The following PIEZO2 variants were observed in gnomAD, a reference collection of about 807,000 sequenced individuals.
PIEZO2 encodes the protein piezo type mechanosensitive ion channel component 2, also known as piezo-type mechanosensitive ion channel component 2.
Under a neutral mutation model 337.3 loss-of-function variants are expected in PIEZO2, and 172 were observed. The ratio of observed to expected loss-of-function variants is 0.51; its 90% confidence interval spans 0.45 to 0.58. The LOEUF (loss-of-function observed/expected upper bound fraction) is 0.58, where lower values mean the gene tolerates loss of function less well. Among genes scored for constraint, PIEZO2 ranks in the 20% least tolerant of loss-of-function variants. The probability of loss-of-function intolerance (pLI) is 0.00; values close to 1 mark genes in which losing one functional copy is unlikely to be tolerated. For missense variants in PIEZO2, 3,028 were observed against 3,391.3 expected (o/e 0.89, Z 2.66); for synonymous variants, 1,251 against 1,228.5 (o/e 1.02, Z -0.38).
intron 2 of PIEZO2, among the ~76,000 whole-genome samples, chr18:11,024,942 GT>G (rs554949643): frequency 0.021 from 2,992 of 143,956 alleles, 45 homozygotes; most frequent in Middle Eastern, 0.051. Context: ...CCCAGCGAAG[GT>G]TTTTTTTTTT....
At chr18:10,920,483 G>A (rs1171356596) in intron 3 of PIEZO2, among the ~76,000 whole-genome samples, 1 of 152,086 alleles carries the variant, frequency 6.6e-6, no homozygotes, top group Non-Finnish European at 1.5e-5. Context: ...AAATGTAGTG[G>A]GTAGTATGTG....
At chr18:11,135,623 C>T (rs2040461148) in intron 1 of PIEZO2, among the ~76,000 whole-genome samples, 1 of 152,168 alleles carries the variant, frequency 6.6e-6, no homozygotes, top group African/African-American at 2.4e-5. Context: ...TCTTGGCTCA[C>T]CGTAACCTCC....
chr18:10,734,070 T>C (rs560702230), intron 35 of PIEZO2, among the ~76,000 whole-genome samples: 1 of 152,360 alleles, frequency 6.6e-6, no homozygotes, highest in East Asian at 1.9e-4. Flanking sequence ...ATCTGTCCTT[T>C]GATTCAGGTG....
Position 10,794,976 on chromosome 18 carries a change from C to T in PIEZO2, c.1554G>A (p.Trp518Ter). Residue 518 changes from tryptophan to a stop codon, truncating the protein, a stop_gained, in exon 13 of 56, where the codon TGG becomes TGA. Coordinates refer to ENST00000674853, the MANE Select transcript of PIEZO2 (RefSeq NM_001378183.1). LOFTEE classifies it high-confidence loss of function. This position sits in a 1 kb window ranked among gnomAD's most constrained non-coding sequence, Gnocchi z 6.6. ...ACCAGATCAGCAGCACGAAGGTCAG[C>T]CAGCTGTGATAGGTGATGCTCCAGG... is the stretch of plus-strand genomic sequence containing the variant. ...MMAWSITYHS[W>*]LTFVLLIWSC... is the part of the protein sequence containing the mutation. The T allele has an allele frequency of 6.5e-7, 1 of 1,548,104 alleles. No homozygotes were observed. The highest frequency in any genetic ancestry group is 8.7e-7 in the Non-Finnish European group (1 of 1,147,010).
intron 2 of PIEZO2, among the ~76,000 whole-genome samples, chr18:11,053,978 C>T (rs1013144336): frequency 5.3e-5 from 8 of 152,170 alleles, no homozygotes; most frequent in African/African-American, 1.7e-4. Flanking sequence ...GAGCCGAGAT[C>T]ACATCACTGC....
chr18:10,675,076 G>A, intron 54 of PIEZO2, 133 bp downstream of exon 54: 1 of 547,648 alleles, frequency 1.8e-6, no homozygotes, highest in Non-Finnish European at 3.2e-6. Flanking sequence ...GCTGTCAGGG[G>A]TTTCATATAT....
chr18:11,023,886 C>G (rs959399396), intron 2 of PIEZO2, among the ~76,000 whole-genome samples: 1 of 152,198 alleles, frequency 6.6e-6, no homozygotes, highest in Non-Finnish European at 1.5e-5. Flanking sequence ...AGCCGCTGGC[C>G]CGGGTGCTAA....
chr18:10,717,191 A>G (rs1241269740), intron 37 of PIEZO2, among the ~76,000 whole-genome samples: 2 of 152,216 alleles, frequency 1.3e-5, no homozygotes, highest in African/African-American at 4.8e-5. Context: ...ACAAGTTAAT[A>G]TACTCCAAAC....
intron 1 of PIEZO2, among the ~76,000 whole-genome samples, chr18:11,081,553 G>A (rs1947266216): frequency 6.6e-6 from 1 of 152,138 alleles, no homozygotes; most frequent in Non-Finnish European, 1.5e-5. Context: ...GCATTGCCAT[G>A]ATTTCACTGA....
In PIEZO2 at chr18:10,705,517, C is replaced by T. The variant is rs1280121750; in HGVS notation, c.5818G>A (p.Ala1940Thr). The T allele has an allele frequency of 1.6e-5, 24 of 1,537,096 alleles. No individual in the cohort carries two copies. The highest frequency in any genetic ancestry group is 2.4e-5 in the East Asian group (1 of 40,918). Residue 1940 changes from alanine to threonine, a missense_variant, in exon 41 of 56, where the codon GCC (alanine) becomes ACC (threonine). Ala to Thr is a moderately conservative substitution (Grantham distance 58, BLOSUM62 0). Around this residue, in one of 5 missense-constraint regions of PIEZO2, gnomAD observed 1,925 missense variants for 2,051.9 expected, o/e 0.94. Transcript: ENST00000674853. The part of the protein sequence containing the change: ...QFSTLDGDVE[A>T]PPSYSKAVSF... ...ACAGCCTTGCTGTAGGAGGGTGGGG[C>T]CTCCACATCCCCGTCCAAGGTGGAG... is the stretch of plus-strand genomic sequence containing the variant.
Position 11,084,047 on chromosome 18 carries a change from G to A in PIEZO2, c.65-17825C>T, listed in dbSNP as rs532495114. Among the ~76,000 whole-genome samples the A allele has an allele frequency of 2.0e-4, 30 of 151,914 alleles. No homozygotes were observed. In the South Asian group the frequency reaches 6.0e-3, roughly 31 times the overall value. ...CAAAAATTAGCCAGGTGTGGTGGTG[G>A]GTGCCTGTAATCCCAGTTACTCGGG... On this transcript the variant is annotated intron_variant, in intron 1 of 55. Transcript: ENST00000674853.
chr18:10,724,958 G>A lies in PIEZO2; in HGVS notation c.5029+6449C>T, dbSNP rs2036471846. On this transcript the variant is annotated intron_variant, in intron 36 of 55. Coordinates refer to ENST00000674853, the MANE Select transcript of PIEZO2 (RefSeq NM_001378183.1). This position sits in a 1 kb window ranked among gnomAD's most constrained non-coding sequence, Gnocchi z 5.8. ...TGGAACCCAGGTGGGCGCACCCTGC[G>A]GCCTGCAGCCTCCCTGCCTCACATT... 5.0e-6 allele frequency: 8 copies of A among 1,588,888 alleles called. No individual in the cohort carries two copies. The highest frequency in any genetic ancestry group is 6.9e-6 in the Non-Finnish European group (8 of 1,162,958).
Position 10,726,692 on chromosome 18 carries a change from AC to A in PIEZO2, c.5029+4714del. On this transcript the variant is annotated intron_variant, in intron 36 of 55. Coordinates refer to ENST00000674853, the MANE Select transcript of PIEZO2 (RefSeq NM_001378183.1). This position sits in a 1 kb window ranked among gnomAD's most constrained non-coding sequence, Gnocchi z 5.9. Reference sequence around the variant, plus strand: ...TCGCTGCCAAGTTAATTCAGCAAGGACCAGGTGTACCTGAACGGCATCCTGT... The same window carrying A: ...TCGCTGCCAAGTTAATTCAGCAAGGACAGGTGTACCTGAACGGCATCCTGT... The A allele has an allele frequency of 1.4e-6, 2 of 1,428,114 alleles. No homozygotes were observed. The highest frequency in any genetic ancestry group is 1.4e-5 in the African/African-American group (1 of 70,144). The allele number at this position is 1,428,114 out of a possible 1,614,324, so 88.5% of individuals were successfully genotyped here. A position where few individuals can be genotyped will look rare whatever the true frequency, so the allele number is the denominator to read the frequency against.
At chr18:10,843,575 T>G (rs1264231158) in intron 7 of PIEZO2, among the ~76,000 whole-genome samples, 1 of 152,158 alleles carries the variant, frequency 6.6e-6, no homozygotes, top group African/African-American at 2.4e-5. Flanking sequence ...TAGAAAAAAA[T>G]TTAACTGTGA....
At chr18:10,812,891 T>A (rs1410764182) in intron 7 of PIEZO2, among the ~76,000 whole-genome samples, 1 of 152,174 alleles carries the variant, frequency 6.6e-6, no homozygotes, top group Non-Finnish European at 1.5e-5. Flanking sequence ...TCCCAGCCAT[T>A]GGCAAGAAAT....
chr18:10,960,425 G>A (rs2033715432), intron 3 of PIEZO2, among the ~76,000 whole-genome samples: 1 of 151,992 alleles, frequency 6.6e-6, no homozygotes, highest in Non-Finnish European at 1.5e-5. Context: ...AACCCTAAAA[G>A]TATTAAAAAC....
chr18:10,764,383 T>A (rs1397644144), intron 21 of PIEZO2, among the ~76,000 whole-genome samples: 2 of 152,150 alleles, frequency 1.3e-5, no homozygotes, highest in Non-Finnish European at 2.9e-5. Flanking sequence ...GGCTCACGCC[T>A]GTAATCCTAG....
rs1266652372 is a variant in PIEZO2 at position 11,099,592 on chromosome 18, G to A, written c.65-33370C>T. Among the ~76,000 whole-genome samples the A allele has an allele frequency of 2.0e-5, 3 of 152,222 alleles. No individual in the cohort carries two copies. Among genetic ancestry groups the A allele is most frequent in the South Asian group, 2.1e-4 (1 of 4,818 alleles). ...AATGATTCTCTGGCCTTAGCCTCCC[G>A]AGTAGCGGGGATCACAGGTGCCTGC... On this transcript the variant is annotated intron_variant, in intron 1 of 55. Coordinates refer to ENST00000674853, the MANE Select transcript of PIEZO2 (RefSeq NM_001378183.1). The surrounding 1 kb of genome is among the most constrained non-coding windows in gnomAD (Gnocchi z 5.4).
chr18:11,005,085 C>T (rs904050446), intron 2 of PIEZO2, among the ~76,000 whole-genome samples: 1 of 152,220 alleles, frequency 6.6e-6, no homozygotes, highest in Non-Finnish European at 1.5e-5. Context: ...AACAAGAAGT[C>T]CTCAGACTTC....
Sources: gnomAD v4.1 joint callset for allele counts (sites outside exome capture counted in the v4.1 genomes callset) on GRCh38, gnomAD v4.1.1 for gene constraint, gnomAD v4.1.1 regional missense constraint, Gnocchi (gnomAD v3.1) non-coding constraint, MANE v1.5 for transcripts, NCBI Gene and HGNC (gene_info 2026-07-23, HGNC 2026-07-21) for gene names.